The following CCDC144A variants were observed in gnomAD, a reference collection of about 807,000 sequenced individuals.
CCDC144A encodes the protein coiled-coil domain-containing protein 144A.
In CCDC144A, 41 loss-of-function variants were observed where a neutral mutation model predicts 143.8. The observed-to-expected ratio is 0.29, with a 90% CI of 0.22 to 0.37. CCDC144A has a LOEUF of 0.37. Among genes scored for constraint, CCDC144A ranks in the 10% least tolerant of loss-of-function variants. CCDC144A has a pLI of 1.00. For synonymous variants in CCDC144A, 242 were observed against 517.9 expected, an observed-to-expected ratio of 0.47 and a Z score of 7.23; for missense variants, 637 against 1,488.8, an observed-to-expected ratio of 0.43 and a Z score of 9.41.
chr17:16,749,934 A>G (rs916784333), intron 12 of CCDC144A, among the ~76,000 whole-genome samples: 4 of 152,160 alleles, frequency 2.6e-5, no homozygotes, highest in Non-Finnish European at 5.9e-5. Context: ...TATTTGCATG[A>G]CAGATCTTCG....
At chr17:16,675,324 A>G in the CCDC144A span, among the ~76,000 whole-genome samples, 1 of 151,910 alleles carries the variant, frequency 6.6e-6, no homozygotes, top group Non-Finnish European at 1.5e-5. Context: ...AACTTGAAAA[A>G]GTATTCAGGG....
At chr17:16,668,806 C>A in the CCDC144A span, among the ~76,000 whole-genome samples, 5,390 of 152,224 alleles carry the variant, frequency 0.035, 131 homozygotes, top group Middle Eastern at 0.1. Flanking sequence ...AGTCTATGAC[C>A]AAGACAATGG....
chr17:16,744,566 G>C (rs1343052442), intron 12 of CCDC144A, among the ~76,000 whole-genome samples: 1 of 151,884 alleles, frequency 6.6e-6, no homozygotes, highest in Non-Finnish European at 1.5e-5. Context: ...TTAAATTCTT[G>C]TTTGTTGATT....
chr17:16,722,825 G>T (rs1278299063), intron 8 of CCDC144A, among the ~76,000 whole-genome samples: 1 of 151,972 alleles, frequency 6.6e-6, no homozygotes, highest in East Asian at 1.9e-4. Flanking sequence ...TGCCTTTGTG[G>T]TTCCTTCATG....
At chr17:16,672,478 G>C in the CCDC144A span, among the ~76,000 whole-genome samples, 1 of 151,842 alleles carries the variant, frequency 6.6e-6, no homozygotes, top group African/African-American at 2.4e-5. Context: ...GAAAACCTGG[G>C]ACATGTCAAA....
chr17:16,736,545 T>C (rs1333609502), intron 12 of CCDC144A, among the ~76,000 whole-genome samples: 1 of 151,392 alleles, frequency 6.6e-6, no homozygotes, highest in African/African-American at 2.4e-5. Flanking sequence ...GCTCATAATT[T>C]TCATTTCAAG....
chr17:16,677,852 T>C, the CCDC144A span, among the ~76,000 whole-genome samples: 17 of 151,504 alleles, frequency 1.1e-4, no homozygotes, highest in Non-Finnish European at 1.9e-4. Context: ...AAATTGTATA[T>C]ACATGCAAAC....
intron 15 of CCDC144A, among the ~76,000 whole-genome samples, chr17:16,770,400 C>T (rs1416101885): frequency 2.6e-5 from 4 of 152,228 alleles, no homozygotes; most frequent in Non-Finnish European, 4.4e-5. Context: ...CCTCCCGCCT[C>T]GGCCTCCCAA....
chr17:16,743,687 C>A (rs1450291996), intron 12 of CCDC144A, among the ~76,000 whole-genome samples: 1 of 152,000 alleles, frequency 6.6e-6, no homozygotes, highest in Admixed American at 6.6e-5. Context: ...CTTATTCTTT[C>A]TCTTTCTTAA....
chr17:16,734,643 A>G, intron 11 of CCDC144A, 47 bp from the exon 12 acceptor site: 1 of 1,442,572 alleles, frequency 6.9e-7, no homozygotes, highest in South Asian at 1.5e-5. Context: ...GAAAATCATA[A>G]TCTGTCATTT....
chr17:16,754,344 G>T (rs1251975560), intron 12 of CCDC144A, among the ~76,000 whole-genome samples: 1 of 152,104 alleles, frequency 6.6e-6, no homozygotes, highest in African/African-American at 2.4e-5. Context: ...CAGGTGTATT[G>T]TTAGGTTGTT....
chr17:16,766,995 A>T (rs1263189534), intron 15 of CCDC144A: 1 of 152,128 alleles, frequency 6.6e-6, no homozygotes, highest in Non-Finnish European at 1.5e-5. Context: ...TAAAAGCATG[A>T]TTATATCAAG....
At chr17:16,768,247 C>A (rs1277237716) in intron 15 of CCDC144A, among the ~76,000 whole-genome samples, 1 of 152,228 alleles carries the variant, frequency 6.6e-6, no homozygotes, top group African/African-American at 2.4e-5. Context: ...TTCCATTAGA[C>A]CCCCAATAAA....
At chr17:16,686,785 C>CACAT (rs1464606131), upstream of CCDC144A, among the ~76,000 whole-genome samples, 8 of 138,918 alleles carry the variant, frequency 5.8e-5, no homozygotes, top group African/African-American at 8.3e-5. Flanking sequence ...CACACACACA[C>CACAT]AAAGAAAAGA....
chr17:16,739,897 T>C (rs1308973410), intron 12 of CCDC144A, among the ~76,000 whole-genome samples: 1 of 150,964 alleles, frequency 6.6e-6, no homozygotes, highest in African/African-American at 2.5e-5. Context: ...TTTTGCTTCT[T>C]GAAGGAGTGT....
At chr17:16,697,752 G>A (rs1352579648) in intron 2 of CCDC144A, among the ~76,000 whole-genome samples, 1 of 151,742 alleles carries the variant, frequency 6.6e-6, no homozygotes, top group Admixed American at 6.6e-5. Flanking sequence ...TGTTTAACTA[G>A]GAAATATAAA....
intron 2 of CCDC144A, among the ~76,000 whole-genome samples, chr17:16,696,367 T>C (rs1346852573): frequency 2.4e-5 from 3 of 122,944 alleles, no homozygotes; most frequent in Non-Finnish European, 5.3e-5. Context: ...CATGGTGGCT[T>C]ATGCCTATAA....
intron 6 of CCDC144A, among the ~76,000 whole-genome samples, chr17:16,719,678 A>T (rs1294178624): frequency 6.6e-6 from 1 of 151,876 alleles, no homozygotes; most frequent in Non-Finnish European, 1.5e-5. Context: ...TGAGGATTAT[A>T]TGAGTTTGAC....
intron 12 of CCDC144A, among the ~76,000 whole-genome samples, chr17:16,755,847 C>A (rs1239407835): frequency 6.6e-6 from 1 of 152,236 alleles, no homozygotes; most frequent in Non-Finnish European, 1.5e-5. Context: ...AGGGATGAAC[C>A]ACTGCACCTG....
Sources: allele counts gnomAD v4.1 joint callset (sites outside exome capture counted in the v4.1 genomes callset), GRCh38; gene constraint gnomAD v4.1.1; transcripts MANE v1.5; gene names NCBI Gene and HGNC (gene_info 2026-07-23, HGNC 2026-07-21).